Variants in CAMTA1 observed in about 807,000 individuals in gnomAD.
The protein encoded by CAMTA1 is calmodulin binding transcription activator 1, also known as calmodulin-binding transcription activator 1.
CAMTA1 carries 27 observed loss-of-function variants against 170.9 expected under a neutral mutation model. The observed-to-expected ratio is 0.16, with a 90% CI of 0.12 to 0.22. The LOEUF (loss-of-function observed/expected upper bound fraction) is 0.22. Among genes scored for constraint, CAMTA1 ranks in the 10% least tolerant of loss-of-function variants. CAMTA1 has a pLI of 1.00. For synonymous variants in CAMTA1, 833 were observed against 891.5 expected (o/e 0.93, Z 1.17); for missense variants, 1,619 against 2,217.2 (o/e 0.73, Z 5.42).
intron 11 of CAMTA1, among the ~76,000 whole-genome samples, chr1:7,705,477 C>T (rs982227945): frequency 2.7e-5 from 4 of 149,006 alleles, no homozygotes; most frequent in African/African-American, 9.9e-5. Context: ...GCGCGTGTGT[C>T]TGTGTCGGAG....
At chr1:7,177,922 C>T (rs1167707642) in intron 4 of CAMTA1, among the ~76,000 whole-genome samples, 1 of 151,236 alleles carries the variant, frequency 6.6e-6, no homozygotes. Flanking sequence ...GAGGCTCTTC[C>T]GACACAGAGG....
chr1:6,843,624 C>T (rs935356646), intron 3 of CAMTA1, among the ~76,000 whole-genome samples: 75 of 152,302 alleles, frequency 4.9e-4, no homozygotes, highest in African/African-American at 1.7e-3. Flanking sequence ...GGATTACAGG[C>T]ACGCACCACC....
chr1:7,679,000 G>A (rs1394453294), intron 11 of CAMTA1, among the ~76,000 whole-genome samples: 2 of 152,208 alleles, frequency 1.3e-5, no homozygotes. Context: ...TGCCCTGGCT[G>A]GTGAACCCTC....
chr1:7,383,347 C>T (rs1465478321), intron 5 of CAMTA1, among the ~76,000 whole-genome samples: 2 of 152,122 alleles, frequency 1.3e-5, no homozygotes, highest in Non-Finnish European at 2.9e-5. Flanking sequence ...CCTAATTATT[C>T]ATTTACTCCT....
At chr1:6,841,981 C>T (rs1441875037) in intron 3 of CAMTA1, among the ~76,000 whole-genome samples, 1 of 152,050 alleles carries the variant, frequency 6.6e-6, no homozygotes, top group Admixed American at 6.6e-5. Context: ...AACCTCTGCC[C>T]TTTCTTCCTG....
rs2097042382 is a variant in CAMTA1, at chr1:7,769,369, A to G, written c.*2878A>G. ...GAAGATTTAATTGCTATTGTTACCC[A>G]TTCGAAATCAGCTGTACTGTGTGAA... On this transcript the variant is annotated 3_prime_UTR_variant, in exon 23 of 23. Coordinates refer to ENST00000303635, the MANE Select transcript of CAMTA1 (RefSeq NM_015215.4). 6.5e-6 allele frequency: 1 copy of G among 152,772 alleles called. No homozygotes were observed. The highest frequency in any genetic ancestry group is 2.1e-4 in the South Asian group (1 of 4,834). 9.5% of individuals were successfully genotyped at this position (152,772 alleles called of 1,614,324 possible).
rs540303859 is a variant in CAMTA1 at position 7,224,782 on chromosome 1, A to C, written c.303-24709A>C. Among the ~76,000 whole-genome samples, 1 of 151,966 alleles carries C rather than the reference A, an allele frequency of 6.6e-6. No homozygotes were observed. The highest frequency in any genetic ancestry group is 6.5e-5 in the Admixed American group (1 of 15,286). On this transcript the variant is annotated intron_variant, in intron 4 of 22. Transcript: ENST00000303635. This position sits in a 1 kb window ranked among gnomAD's most constrained non-coding sequence, Gnocchi z 5.2. ...GATATGCCTCCCTGCCCCGCTCCCC[A>C]GGGCCCTGCTCCGTAGCTGCTCCAT...
chr1:6,952,709 C>A (rs181825425), intron 3 of CAMTA1, among the ~76,000 whole-genome samples: 56 of 152,200 alleles, frequency 3.7e-4, no homozygotes, highest in African/African-American at 1.3e-3. Flanking sequence ...TGACGGGCAT[C>A]TGTAATCCCA....
intron 3 of CAMTA1, among the ~76,000 whole-genome samples, chr1:7,039,007 T>A (rs1704041046): frequency 6.6e-6 from 1 of 151,932 alleles, no homozygotes; most frequent in South Asian, 2.1e-4. Flanking sequence ...GCCACTGCAC[T>A]CCAGCCTGGG....
At chr1:7,270,240 TACATACAC>T (rs1669527767) in intron 5 of CAMTA1, among the ~76,000 whole-genome samples, 1 of 74,308 alleles carries the variant, frequency 1.3e-5, no homozygotes, top group African/African-American at 6.8e-5. Context: ...TACACATATA[TACATACAC>T]ACACACACAC....
chr1:6,796,983 G>A (rs1642680217), intron 1 of CAMTA1, among the ~76,000 whole-genome samples: 1 of 152,142 alleles, frequency 6.6e-6, no homozygotes, highest in Non-Finnish European at 1.5e-5. Context: ...GTTATATTTA[G>A]GAATCATCAT....
intron 4 of CAMTA1, among the ~76,000 whole-genome samples, chr1:7,204,085 G>A (rs1053949324): frequency 6.6e-5 from 10 of 151,698 alleles, no homozygotes; most frequent in Admixed American, 2.0e-4. Flanking sequence ...TGATCCGCTC[G>A]CCTCAGCCTC....
At chr1:7,710,992 T>G (rs535102608) in intron 11 of CAMTA1, among the ~76,000 whole-genome samples, 3 of 152,316 alleles carry the variant, frequency 2.0e-5, no homozygotes, top group African/African-American at 7.2e-5. Flanking sequence ...AGCCAAGAAT[T>G]GGGCTCTGCG....
chr1:7,722,132 G>T (rs530225545), intron 11 of CAMTA1, among the ~76,000 whole-genome samples: 1 of 152,254 alleles, frequency 6.6e-6, no homozygotes, highest in African/African-American at 2.4e-5. Flanking sequence ...CTCACTCACA[G>T]CAGACGCCCA....
rs778716538 is a variant in CAMTA1, at chr1:7,711,747, TCA to T, written c.2915-20699_2915-20698del. ...CTCTTTTCTAGTGAAAGAAGCGATG[TCA>T]CTCTAGCCAGAACCAATGCCCCTGG... On this transcript the variant is annotated intron_variant, in intron 11 of 22. Transcript: ENST00000303635. Among the ~76,000 whole-genome samples the T allele has an allele frequency of 8.8e-4, 134 of 152,244 alleles. 2 individuals are homozygous for T. Among genetic ancestry groups the T allele is most frequent in the Non-Finnish European group, 6.0e-4 (41 of 68,046 alleles).
At chr1:7,078,601 A>C (rs1294189626) in intron 3 of CAMTA1, among the ~76,000 whole-genome samples, 9 of 152,240 alleles carry the variant, frequency 5.9e-5, no homozygotes, top group African/African-American at 2.2e-4. Flanking sequence ...AAAAGTCTAA[A>C]AATTTATGAT....
intron 11 of CAMTA1, among the ~76,000 whole-genome samples, chr1:7,714,911 A>T (rs1337602997): frequency 6.6e-6 from 1 of 152,202 alleles, no homozygotes; most frequent in Non-Finnish European, 1.5e-5. Context: ...CAACTGACGT[A>T]GTGTGATCTT....
Position 7,689,639 on chromosome 1 carries a change from T to C in CAMTA1, c.2914+11906T>C, listed in dbSNP as rs115313311. Among the ~76,000 whole-genome samples, 1,048 of 151,522 alleles carry C rather than the reference T, an allele frequency of 6.9e-3. 15 individuals are homozygous for C. Among genetic ancestry groups the C allele is most frequent in the African/African-American group, 0.024 (1,002 of 41,274 alleles). ...TTGATACACCAAAAACAAACGGAGG[T>C]TGTTCAGGAGTTGGAACTTGTCCCA... is the stretch of plus-strand genomic sequence containing the variant. On this transcript the variant is annotated intron_variant, in intron 11 of 22. Transcript: ENST00000303635.
At chr1:7,669,316 G>A (rs966409290) in intron 9 of CAMTA1, among the ~76,000 whole-genome samples, 2 of 152,250 alleles carry the variant, frequency 1.3e-5, no homozygotes, top group African/African-American at 2.4e-5. Context: ...GCTGGGCAAT[G>A]GGAGGAGCTA....
Sources: gnomAD v4.1 joint callset for allele counts (sites outside exome capture counted in the v4.1 genomes callset) on GRCh38, gnomAD v4.1.1 for gene constraint, Gnocchi (gnomAD v3.1) non-coding constraint, MANE v1.5 for transcripts, NCBI Gene and HGNC (gene_info 2026-07-23, HGNC 2026-07-21) for gene names.